SOAT1: variants seen among roughly 807,000 people sequenced by gnomAD.
SOAT1 encodes the protein sterol O-acyltransferase 1.
A neutral mutation model predicts 69.5 loss-of-function variants in SOAT1; 55 were observed. The observed-to-expected ratio is 0.79, with a 90% CI of 0.64 to 0.99. The LOEUF is 0.99. SOAT1 is among the 50% of genes least tolerant of loss of function. SOAT1 has a pLI of 0.00. For missense variants in SOAT1, 580 were observed against 669.3 expected, an observed-to-expected ratio of 0.87 and a Z score of 1.47; for synonymous variants, 231 against 224.7, an observed-to-expected ratio of 1.03 and a Z score of -0.25.
chr1:179,345,681 G>C (rs1666507912), intron 11 of SOAT1, among the ~76,000 whole-genome samples: 1 of 151,828 alleles, frequency 6.6e-6, no homozygotes, highest in South Asian at 2.1e-4. Context: ...CGCCTCAGTA[G>C]CTGGGACTAC....
intron 2 of SOAT1, among the ~76,000 whole-genome samples, chr1:179,303,123 A>G (rs930502913): frequency 2.0e-5 from 3 of 152,156 alleles, no homozygotes; most frequent in African/African-American, 7.2e-5. Context: ...CTCCAAGTTA[A>G]GTGAATGACA....
chr1:179,337,746 G>T, intron 4 of SOAT1, 91 bp from the exon 5 acceptor site: 1 of 832,730 alleles, frequency 1.2e-6, no homozygotes, highest in Non-Finnish European at 1.9e-6. Context: ...AATGTTAGAT[G>T]GTGTTATTGG....
At chr1:179,343,859 G>A (rs974679218) in intron 10 of SOAT1, among the ~76,000 whole-genome samples, 2 of 152,284 alleles carry the variant, frequency 1.3e-5, no homozygotes, top group African/African-American at 4.8e-5. Context: ...GCAGTGGCTT[G>A]CGCCTGTAAT....
In SOAT1 at chr1:179,353,688, C is replaced by G. The variant is rs1307885930; in HGVS notation, c.*47C>G. The G allele has an allele frequency of 6.7e-7, 1 of 1,491,716 alleles. No individual in the cohort carries two copies. 92.4% of individuals were successfully genotyped at this position (1,491,716 alleles called of 1,614,324 possible). On this transcript the variant is annotated 3_prime_UTR_variant, in exon 16 of 16. Transcript: ENST00000367619. Reference sequence around the variant, plus strand: ...CTTGTCACTGAAGATTGGGTAGCTCCCTGATTTGGAGCCAGCTGTTTCCAG... The same window carrying G: ...CTTGTCACTGAAGATTGGGTAGCTCGCTGATTTGGAGCCAGCTGTTTCCAG...
chr1:179,296,015 C>T (rs1256106030), intron 1 of SOAT1, among the ~76,000 whole-genome samples: 5 of 109,330 alleles, frequency 4.6e-5, no homozygotes, highest in Non-Finnish European at 8.5e-5. Flanking sequence ...AAAGACTGAT[C>T]AGATCTTACT....
intron 3 of SOAT1, among the ~76,000 whole-genome samples, chr1:179,326,550 C>CTTTTTTTTTTTTTTTTTTT (rs10568516): frequency 1.9e-5 from 2 of 106,262 alleles, no homozygotes; most frequent in Non-Finnish European, 3.9e-5. Flanking sequence ...AATTTCTTTT[C>CTTTTTTTTTTTTTTTTTTT]TTTTTTTTTT....
intron 2 of SOAT1, among the ~76,000 whole-genome samples, chr1:179,320,207 A>T (rs1452212706): frequency 1.3e-5 from 2 of 152,098 alleles, no homozygotes; most frequent in African/African-American, 2.4e-5. Context: ...GTTAGTTTCT[A>T]CATATGGTGT....
intron 2 of SOAT1, among the ~76,000 whole-genome samples, chr1:179,307,949 C>G (rs1665067702): frequency 6.6e-6 from 1 of 152,086 alleles, no homozygotes. Context: ...GCGCCACCCT[C>G]CTGGCTTATT....
chr1:179,301,276 A>C (rs902732473), intron 1 of SOAT1, among the ~76,000 whole-genome samples: 1 of 152,164 alleles, frequency 6.6e-6, no homozygotes, highest in African/African-American at 2.4e-5. Context: ...CTATCTTGAT[A>C]TTGATCTTTG....
At chr1:179,338,063 T>C (rs1453871538) in intron 5 of SOAT1, among the ~76,000 whole-genome samples, 167 bp downstream of exon 5, 3 of 152,140 alleles carry the variant, frequency 2.0e-5, no homozygotes, top group Admixed American at 6.6e-5. Context: ...TTTGGTTCTG[T>C]ATCTAGTTTC....
intron 7 of SOAT1, 27 bp from the exon 8 acceptor site, chr1:179,342,087 G>C (rs751207861): frequency 1.2e-6 from 2 of 1,612,886 alleles, no homozygotes; most frequent in Non-Finnish European, 1.7e-6. Context: ...TCTTTGAAGA[G>C]ACATCTTTTT....
intron 1 of SOAT1, among the ~76,000 whole-genome samples, chr1:179,295,564 A>C (rs908945320): frequency 6.6e-6 from 1 of 152,188 alleles, no homozygotes; most frequent in Non-Finnish European, 1.5e-5. Flanking sequence ...GGAACTTTTG[A>C]ATGAGAAATA....
rs556071177 is a variant in SOAT1, at chr1:179,313,742, G to A, written c.119-9695G>A. Among the ~76,000 whole-genome samples, 145 of 152,100 alleles carry A rather than the reference G, an allele frequency of 9.5e-4. 1 individual carries two copies. The highest frequency in any genetic ancestry group is 6.8e-3 in the Middle Eastern group (2 of 294). ...TGGGATTATAGGCATGCGCCACCAC[G>A]CCTGGCTAATTTTGTATTTTTAGTA... On this transcript the variant is annotated intron_variant, in intron 2 of 15. Coordinates refer to ENST00000367619, the MANE Select transcript of SOAT1 (RefSeq NM_003101.6).
chr1:179,295,966 A>ATTTT (rs58893158), intron 1 of SOAT1, among the ~76,000 whole-genome samples: 15 of 52,022 alleles, frequency 2.9e-4, no homozygotes, highest in African/African-American at 1.3e-3. Context: ...CGCCCGGCTA[A>ATTTT]TTTTTTTTTT....
chr1:179,357,921 A>T lies in SOAT1; in HGVS notation c.*4280A>T, dbSNP rs2125013038. 1 of 150,730 alleles carries T rather than the reference A, an allele frequency of 6.6e-6. No homozygotes were observed. The highest frequency in any genetic ancestry group is 2.1e-4 in the South Asian group (1 of 4,752). The allele number at this position is 150,730 out of a possible 1,614,324, so 9.3% of individuals were successfully genotyped here. The stretch of plus-strand genomic sequence containing the variant: ...TCCATTTCAGAGCCATGGGCAACAG[A>T]GCGAGACCCTGTCTCAAAAAAAAAA... On this transcript the variant is annotated 3_prime_UTR_variant, in exon 16 of 16. Coordinates refer to ENST00000367619, the MANE Select transcript of SOAT1 (RefSeq NM_003101.6).
At chr1:179,344,722 T>A (rs1283949284) in intron 10 of SOAT1, among the ~76,000 whole-genome samples, 3 of 152,116 alleles carry the variant, frequency 2.0e-5, no homozygotes, top group Non-Finnish European at 4.4e-5. Flanking sequence ...GAGTAAGCTC[T>A]TCTAAAAATA....
intron 1 of SOAT1, among the ~76,000 whole-genome samples, chr1:179,295,973 T>A (rs1664623777): frequency 9.0e-5 from 1 of 11,068 alleles, no homozygotes; most frequent in African/African-American, 2.0e-4. Flanking sequence ...CTAATTTTTT[T>A]TTTTTTTTTT....
rs1666884494 is a variant in SOAT1, at chr1:179,355,752, C to G, written c.*2111C>G. On this transcript the variant is annotated 3_prime_UTR_variant, in exon 16 of 16. Transcript: ENST00000367619. The stretch of plus-strand genomic sequence containing the variant: ...GTTTCACCCTGTTGGTCAGGCTGGT[C>G]TCAAACTCCTGACCTTGTGATCTGC... 6.6e-6 allele frequency: 1 copy of G among 152,266 alleles called. No homozygotes were observed. The highest frequency in any genetic ancestry group is 2.4e-5 in the African/African-American group (1 of 41,420). 9.4% of individuals were successfully genotyped at this position (152,266 alleles called of 1,614,324 possible).
At chr1:179,337,331 G>C (rs1666193203) in intron 4 of SOAT1, among the ~76,000 whole-genome samples, 1 of 152,208 alleles carries the variant, frequency 6.6e-6, no homozygotes, top group Non-Finnish European at 1.5e-5. Flanking sequence ...GGAGGCTGTT[G>C]GGAGTTGCTG....
Sources: allele counts gnomAD v4.1 joint callset (sites outside exome capture counted in the v4.1 genomes callset), GRCh38; gene constraint gnomAD v4.1.1; transcripts MANE v1.5; gene names NCBI Gene and HGNC (gene_info 2026-07-23, HGNC 2026-07-21).